KCNH5: variants seen among roughly 807,000 people sequenced by gnomAD.
The protein encoded by KCNH5 is voltage-gated delayed rectifier potassium channel KCNH5.
In KCNH5, 46 loss-of-function variants were observed where a neutral mutation model predicts 96.1. The ratio of observed to expected loss-of-function variants is 0.48; its 90% CI spans 0.38 to 0.61. The LOEUF (loss-of-function observed/expected upper bound fraction) is 0.61, where lower values mean the gene tolerates loss of function less well. KCNH5 is among the 20% of genes least tolerant of loss of function. KCNH5 has a pLI of 0.00. For synonymous variants in KCNH5, 439 were observed against 449.8 expected, an observed-to-expected ratio of 0.98 and a Z score of 0.30; for missense variants, 907 against 1,225.8, an observed-to-expected ratio of 0.74 and a Z score of 3.88.
chr14:62,894,578 C>T (rs1888774607), intron 7 of KCNH5, among the ~76,000 whole-genome samples: 1 of 152,200 alleles, frequency 6.6e-6, no homozygotes, highest in African/African-American at 2.4e-5. Flanking sequence ...TCACCATATT[C>T]AAACAACACC....
At chr14:62,840,706 A>G (rs1850398624) in intron 8 of KCNH5, among the ~76,000 whole-genome samples, 1 of 148,850 alleles carries the variant, frequency 6.7e-6, no homozygotes, top group South Asian at 2.1e-4. Flanking sequence ...AAGTAGCTGG[A>G]TTACAAGTAC....
intron 1 of KCNH5, among the ~76,000 whole-genome samples, chr14:63,033,705 G>A (rs1371819432): frequency 1.3e-5 from 2 of 151,200 alleles, no homozygotes; most frequent in Non-Finnish European, 2.9e-5. Context: ...CCTATTTAAA[G>A]TCATACAGTC....
In KCNH5 at chr14:62,970,890, C is replaced by A. The variant is rs545072702; in HGVS notation, c.942+9982G>T. Reference sequence around the variant, plus strand: ...TCTACCAAAAAAAAGAAAAAAAAAACCCTACAACTAACATCATACTCAAGA... The same window carrying A: ...TCTACCAAAAAAAAGAAAAAAAAAAACCTACAACTAACATCATACTCAAGA... On this transcript the variant is annotated intron_variant, in intron 6 of 10. Coordinates refer to ENST00000322893, the MANE Select transcript of KCNH5 (RefSeq NM_139318.5). Among the ~76,000 whole-genome samples, 44 of 151,090 alleles carry A rather than the reference C, an allele frequency of 2.9e-4. No homozygotes were observed. The Middle Eastern group carries it at 0.01, about 35-fold the overall frequency.
At chr14:62,845,172 A>G (rs1887665759) in intron 8 of KCNH5, among the ~76,000 whole-genome samples, 5 of 152,148 alleles carry the variant, frequency 3.3e-5, no homozygotes. Flanking sequence ...AATAAAATGT[A>G]TTTGGCTTAT....
intron 7 of KCNH5, among the ~76,000 whole-genome samples, chr14:62,925,478 T>C (rs1364187364): frequency 6.6e-6 from 1 of 152,066 alleles, no homozygotes; most frequent in Non-Finnish European, 1.5e-5. Flanking sequence ...TTGAGTGTTA[T>C]AATGAATATT....
At chr14:62,947,304 A>C (rs2140128000) in intron 7 of KCNH5, among the ~76,000 whole-genome samples, 1 of 152,314 alleles carries the variant, frequency 6.6e-6, no homozygotes, top group South Asian at 2.1e-4. Context: ...GAATTTATAA[A>C]GTACATTTTT....
intron 1 of KCNH5, among the ~76,000 whole-genome samples, chr14:63,020,546 G>T (rs1272859149): frequency 1.3e-5 from 2 of 152,030 alleles, no homozygotes; most frequent in Non-Finnish European, 2.9e-5. Context: ...ACTAAAGTAG[G>T]TATACTGTTT....
chr14:62,885,757 G>T (rs955347589), intron 7 of KCNH5, among the ~76,000 whole-genome samples: 2 of 152,146 alleles, frequency 1.3e-5, no homozygotes, highest in African/African-American at 4.8e-5. Context: ...TGTGATGAAA[G>T]GATGGTGATT....
In KCNH5 at chr14:62,707,629, T is replaced by C; in HGVS notation, c.2846A>G (p.Gln949Arg). The change falls in exon 11 of 11, where the codon CAG becomes CGG. Residue 949 changes from glutamine to arginine, a missense_variant. Gln to Arg is a conservative substitution (Grantham distance 43, BLOSUM62 1). This residue lies in a region of KCNH5 where 362 missense variants were observed against 394.4 expected (regional missense o/e 0.92). Coordinates refer to ENST00000322893, the MANE Select transcript of KCNH5 (RefSeq NM_139318.5). ...LKILSEKSVP[Q>R]ASSPKSQMPL... is the part of the protein sequence containing the mutation. The stretch of plus-strand genomic sequence containing the variant: ...CATTTGGGATTTGGGAGATGAGGCC[T>C]GGGGTACGCTTTTTTCCGACAGTAT... 6.3e-7 allele frequency: 1 copy of C among 1,575,766 alleles called. No individual in the cohort carries two copies. The highest frequency in any genetic ancestry group is 8.6e-7 in the Non-Finnish European group (1 of 1,157,198).
intron 10 of KCNH5, among the ~76,000 whole-genome samples, chr14:62,746,182 C>T (rs1885371834): frequency 6.6e-6 from 1 of 152,176 alleles, no homozygotes; most frequent in African/African-American, 2.4e-5. Context: ...ACAATTCTAG[C>T]CTCTTTCACC....
chr14:63,026,057 C>A lies in KCNH5; in HGVS notation c.74-9103G>T, dbSNP rs116156526. On this transcript the variant is annotated intron_variant, in intron 1 of 10. Transcript: ENST00000322893. ...CATAATAGAGAGCCCAGAAATCAAGCCACACATTTATAAACCATTGATTTT... is the reference window on the plus strand; with the variant it reads ...CATAATAGAGAGCCCAGAAATCAAGACACACATTTATAAACCATTGATTTT... Among the ~76,000 whole-genome samples, 611 of 152,038 alleles carry A rather than the reference C, an allele frequency of 4.0e-3. 4 individuals are homozygous for A. Among genetic ancestry groups the A allele is most frequent in the African/African-American group, 0.013 (556 of 41,504 alleles).
At chr14:62,818,743 A>T (rs1368183475) in intron 8 of KCNH5, among the ~76,000 whole-genome samples, 3 of 152,194 alleles carry the variant, frequency 2.0e-5, no homozygotes, top group Non-Finnish European at 4.4e-5. Flanking sequence ...TGTTAATAAC[A>T]GCCAAAAATT....
At chr14:62,722,466 G>C (rs1270353805) in intron 10 of KCNH5, among the ~76,000 whole-genome samples, 1 of 151,332 alleles carries the variant, frequency 6.6e-6, no homozygotes, top group South Asian at 2.1e-4. Flanking sequence ...GACAAAGCAG[G>C]GTTTCTAACC....
chr14:63,043,533 A>G (rs1213240454), intron 1 of KCNH5, among the ~76,000 whole-genome samples: 1 of 152,208 alleles, frequency 6.6e-6, no homozygotes, highest in Non-Finnish European at 1.5e-5. Context: ...ATTGCCTACC[A>G]TTATGAATTT....
chr14:62,840,594 C>A lies in KCNH5; in HGVS notation c.1569+9059G>T, dbSNP rs1489938873. Among the ~76,000 whole-genome samples the A allele has an allele frequency of 1.1e-4, 7 of 63,364 alleles. No homozygotes were observed. In the East Asian group the frequency reaches 2.1e-3, roughly 19 times the overall value. 41.6% of individuals were successfully genotyped at this position (63,364 alleles called of 152,430 possible). A position where few individuals can be genotyped will look rare whatever the true frequency, so the allele number is the denominator to read the frequency against. On this transcript the variant is annotated intron_variant, in intron 8 of 10. Transcript: ENST00000322893. ...TTTTTTTTTTTTTTTTTTTTTGAGACGGAGTCTTGCTCTGTAGCCAGGCTG... is the reference window on the plus strand; with the variant it reads ...TTTTTTTTTTTTTTTTTTTTTGAGAAGGAGTCTTGCTCTGTAGCCAGGCTG...
chr14:62,907,696 G>C (rs2140097808), intron 7 of KCNH5, among the ~76,000 whole-genome samples: 1 of 152,320 alleles, frequency 6.6e-6, no homozygotes, highest in East Asian at 1.9e-4. Context: ...GCCATACCTA[G>C]TCATTCCGTT....
At chr14:62,759,659 C>T (rs980891673) in intron 10 of KCNH5, among the ~76,000 whole-genome samples, 1 of 151,318 alleles carries the variant, frequency 6.6e-6, no homozygotes, top group Non-Finnish European at 1.5e-5. Flanking sequence ...TCCTTTCTTT[C>T]TCTCTCTCTT....
At chr14:63,015,433 C>A (rs758865594) in intron 2 of KCNH5, among the ~76,000 whole-genome samples, 1 of 151,832 alleles carries the variant, frequency 6.6e-6, no homozygotes, top group South Asian at 2.1e-4. Context: ...AGTTATCAAC[C>A]AATCCCTTCT....
chr14:62,992,508 TG>T (rs1890828961), intron 4 of KCNH5, among the ~76,000 whole-genome samples: 1 of 152,064 alleles, frequency 6.6e-6, no homozygotes. Context: ...GTCTTTTTAA[TG>T]GCCATTCTGA....
Sources: gnomAD v4.1 joint callset for allele counts (sites outside exome capture counted in the v4.1 genomes callset) on GRCh38, gnomAD v4.1.1 for gene constraint, gnomAD v4.1.1 regional missense constraint, MANE v1.5 for transcripts, NCBI Gene and HGNC (gene_info 2026-07-23, HGNC 2026-07-21) for gene names.